The following CCDC141 variants were observed in gnomAD, a reference collection of about 807,000 sequenced individuals.
CCDC141 encodes the protein coiled-coil domain-containing protein 141.
Under a neutral mutation model 181.0 loss-of-function variants are expected in CCDC141, and 168 were observed. The ratio of observed to expected loss-of-function variants is 0.93; its 90% CI spans 0.82 to 1.05. The LOEUF (loss-of-function observed/expected upper bound fraction) is 1.05. Among genes scored for constraint, CCDC141 ranks in the 50% least tolerant of loss-of-function variants. The probability of loss-of-function intolerance (pLI) is 0.00; values close to 1 mark genes in which losing one functional copy is unlikely to be tolerated. For synonymous variants in CCDC141, 666 were observed against 642.3 expected, an observed-to-expected ratio of 1.04 and a Z score of -0.56; for missense variants, 1,902 against 1,788.5, an observed-to-expected ratio of 1.06 and a Z score of -1.14.
At chr2:178,854,083 T>C (rs1218429073) in intron 19 of CCDC141, among the ~76,000 whole-genome samples, 1 of 152,252 alleles carries the variant, frequency 6.6e-6, no homozygotes, top group Admixed American at 6.5e-5. Flanking sequence ...TATTGCCTGA[T>C]GAATACTCTA....
At position 178,853,475 on chromosome 2, in the gene CCDC141, A is replaced by G; in HGVS notation, c.3210T>C (p.Ile1070=). Residue 1070 remains isoleucine (I), a synonymous_variant, in exon 20 of 24, where the codon ATT becomes ATC. Coordinates refer to ENST00000443758, the MANE Select transcript of CCDC141 (RefSeq NM_173648.4). ...GCTGAGCAAGGTCAGTGGCCTCCTG[A>G]ATCCTTTCTTCTTGCTGCGGCACTG... ...APSVPQQEER[I]QEATDLAQHL... 1 of 1,614,122 alleles carries G rather than the reference A, an allele frequency of 6.2e-7. No homozygotes were observed. Among genetic ancestry groups the G allele is most frequent in the African/African-American group, 1.3e-5 (1 of 75,044 alleles).
At chr2:178,958,361 C>T (rs962166578) in intron 5 of CCDC141, among the ~76,000 whole-genome samples, 3 of 151,966 alleles carry the variant, frequency 2.0e-5, no homozygotes, top group Non-Finnish European at 2.9e-5. Flanking sequence ...ACAAGCTATT[C>T]TGAGGGGGGA....
At chr2:179,035,292 G>T (rs538423381) in intron 2 of CCDC141, among the ~76,000 whole-genome samples, 2 of 151,886 alleles carry the variant, frequency 1.3e-5, no homozygotes. Context: ...CATCTTTCAC[G>T]TTAGAGAAAC....
intron 2 of CCDC141, among the ~76,000 whole-genome samples, chr2:178,984,722 C>G (rs1486280923): frequency 1.3e-5 from 2 of 150,234 alleles, no homozygotes; most frequent in Non-Finnish European, 1.5e-5. Flanking sequence ...ACAAAGAAGG[C>G]CATTACATAA....
rs185407514 is a variant in CCDC141 at position 178,865,683 on chromosome 2, G to A, written c.2724+84C>T. 6 of 1,257,886 alleles carry A rather than the reference G, an allele frequency of 4.8e-6. No homozygotes were observed. The African/African-American group carries it at 9.2e-5, about 19-fold the overall frequency. 77.9% of individuals were successfully genotyped at this position (1,257,886 alleles called of 1,614,324 possible). On this transcript the variant is annotated intron_variant, in intron 17 of 23. Coordinates refer to ENST00000443758, the MANE Select transcript of CCDC141 (RefSeq NM_173648.4). ...TGTGTTTGCATGTGTGTGGGAGTGT[G>A]CACAAATGTGGACATTTAGACACAT...
chr2:179,025,814 A>G (rs554930729), intron 2 of CCDC141, among the ~76,000 whole-genome samples: 1 of 152,356 alleles, frequency 6.6e-6, no homozygotes, highest in East Asian at 1.9e-4. Flanking sequence ...AAAATGCCAC[A>G]GTGATATGGA....
the CCDC141 span, among the ~76,000 whole-genome samples, chr2:178,820,740 A>G: frequency 1.3e-5 from 2 of 152,218 alleles, no homozygotes; most frequent in African/African-American, 4.8e-5. Flanking sequence ...TTCAAAAGGG[A>G]TCATAATAGA....
At chr2:178,994,032 C>G (rs563313177) in intron 2 of CCDC141, among the ~76,000 whole-genome samples, 5 of 152,310 alleles carry the variant, frequency 3.3e-5, no homozygotes, top group African/African-American at 1.2e-4. Context: ...GCTGCTTTCA[C>G]TGGTTGGCAT....
chr2:178,848,543 G>A (rs1192757550), intron 21 of CCDC141, among the ~76,000 whole-genome samples: 1 of 152,180 alleles, frequency 6.6e-6, no homozygotes, highest in Non-Finnish European at 1.5e-5. Context: ...TGGAGAATGA[G>A]GAAGTGGGAG....
chr2:178,886,217 A>G (rs1055089356), intron 10 of CCDC141, among the ~76,000 whole-genome samples: 1 of 151,252 alleles, frequency 6.6e-6, no homozygotes, highest in African/African-American at 2.4e-5. Flanking sequence ...GCAGACAGAA[A>G]CTTCAGGGCA....
the CCDC141 span, among the ~76,000 whole-genome samples, chr2:178,824,373 A>T: frequency 1.3e-5 from 2 of 152,288 alleles, no homozygotes; most frequent in East Asian, 3.9e-4. Flanking sequence ...GGCTCACGCC[A>T]GCATTTTGGG....
chr2:178,892,239 T>C (rs765024159), intron 8 of CCDC141, among the ~76,000 whole-genome samples: 4 of 152,160 alleles, frequency 2.6e-5, no homozygotes, highest in Non-Finnish European at 5.9e-5. Context: ...CTTCCTTCTA[T>C]TTAAAGCCTT....
In CCDC141 at chr2:178,834,004, T is replaced by C. The variant is rs535338198; in HGVS notation, c.*169A>G. The C allele has an allele frequency of 2.6e-5, 17 of 661,876 alleles. No individual in the cohort carries two copies. The highest frequency in any genetic ancestry group is 3.8e-5 in the Non-Finnish European group (15 of 399,172). 41.0% of individuals were successfully genotyped at this position (661,876 alleles called of 1,614,324 possible). ...CAAGCTTCTCAAATATATTAAACGC[T>C]CCAGAAAATTTGATTATTTCACCTA... On this transcript the variant is annotated 3_prime_UTR_variant, in exon 24 of 24. Transcript: ENST00000443758.
intron 4 of CCDC141, among the ~76,000 whole-genome samples, chr2:178,964,549 C>A (rs1690541819): frequency 6.7e-6 from 1 of 148,556 alleles, no homozygotes; most frequent in African/African-American, 2.6e-5. Context: ...AGGCACACAG[C>A]CTCCTGAGCC....
intron 2 of CCDC141, among the ~76,000 whole-genome samples, chr2:179,022,268 C>T (rs1269444424): frequency 6.6e-6 from 1 of 152,126 alleles, no homozygotes; most frequent in Non-Finnish European, 1.5e-5. Flanking sequence ...GTGTGTTTTA[C>T]TGGGGAATCT....
chr2:179,031,259 T>C (rs1575369503), intron 2 of CCDC141, among the ~76,000 whole-genome samples: 1 of 152,014 alleles, frequency 6.6e-6, no homozygotes, highest in East Asian at 1.9e-4. Context: ...AAGGGTTTGG[T>C]TTCTTTCATC....
intron 5 of CCDC141, among the ~76,000 whole-genome samples, chr2:178,952,259 T>TTATC (rs1689979790): frequency 6.6e-6 from 1 of 152,242 alleles, no homozygotes; most frequent in Non-Finnish European, 1.5e-5. Context: ...ATGCTAGTGA[T>TTATC]TATCCAGTAA....
At chr2:179,038,290 A>G (rs1041895273) in intron 2 of CCDC141, among the ~76,000 whole-genome samples, 1 of 152,222 alleles carries the variant, frequency 6.6e-6, no homozygotes, top group Non-Finnish European at 1.5e-5. Flanking sequence ...GTGTGATTCC[A>G]TTTATATGGG....
At chr2:178,899,659 C>T (rs1458239505) in intron 8 of CCDC141, among the ~76,000 whole-genome samples, 2 of 151,810 alleles carry the variant, frequency 1.3e-5, no homozygotes, top group African/African-American at 2.4e-5. Flanking sequence ...TAATAGGAAC[C>T]TTAATAAACT....
Sources: allele counts gnomAD v4.1 joint callset (sites outside exome capture counted in the v4.1 genomes callset), GRCh38; gene constraint gnomAD v4.1.1; transcripts MANE v1.5; gene names NCBI Gene and HGNC (gene_info 2026-07-23, HGNC 2026-07-21).